VWC2: variants seen among roughly 807,000 people sequenced by gnomAD.
VWC2 encodes the protein von Willebrand factor C domain containing 2, also known as brorin.
In VWC2, 14 loss-of-function variants were observed where a neutral mutation model predicts 29.8. The ratio of observed to expected loss-of-function variants is 0.47; its 90% CI spans 0.31 to 0.74. VWC2 has a LOEUF of 0.74. Among genes scored for constraint, VWC2 ranks in the 30% least tolerant of loss-of-function variants. The pLI is 0.05. For synonymous variants in VWC2, 213 were observed against 199.0 expected (o/e 1.07, Z -0.59); for missense variants, 457 against 459.8 (o/e 0.99, Z 0.05).
intron 3 of VWC2, among the ~76,000 whole-genome samples, chr7:49,839,777 C>T (rs557608081): frequency 6.4e-4 from 97 of 152,284 alleles, no homozygotes; most frequent in Non-Finnish European, 1.3e-3. Context: ...ACTTCACAAA[C>T]GGGGCCTTTG....
At chr7:49,797,924 T>A (rs544427403) in intron 2 of VWC2, among the ~76,000 whole-genome samples, 1 of 152,344 alleles carries the variant, frequency 6.6e-6, no homozygotes, top group South Asian at 2.1e-4. Flanking sequence ...TGCCATAAGG[T>A]ATTCTATGTA....
At chr7:49,824,101 T>A (rs568077345) in intron 3 of VWC2, among the ~76,000 whole-genome samples, 1 of 152,318 alleles carries the variant, frequency 6.6e-6, no homozygotes, top group East Asian at 1.9e-4. Context: ...CAGAATTTTT[T>A]AATTTTGATA....
chr7:49,846,256 T>C (rs988340877), intron 3 of VWC2, among the ~76,000 whole-genome samples: 4 of 152,106 alleles, frequency 2.6e-5, no homozygotes, highest in African/African-American at 9.7e-5. Flanking sequence ...AACCTGCATG[T>C]CGCCACTTCC....
intron 3 of VWC2, among the ~76,000 whole-genome samples, chr7:49,853,983 C>T (rs945888341): frequency 9.9e-5 from 15 of 151,274 alleles, no homozygotes; most frequent in Non-Finnish European, 1.8e-4. Context: ...TCTGTCCCTG[C>T]GATAGTTTGC....
At chr7:49,911,579 C>T (rs1441295554) in intron 3 of VWC2, among the ~76,000 whole-genome samples, 1 of 151,662 alleles carries the variant, frequency 6.6e-6, no homozygotes, top group Non-Finnish European at 1.5e-5. Context: ...TTGCCACTGT[C>T]CTTCATAAAA....
chr7:49,821,551 G>A (rs994976790), intron 3 of VWC2, among the ~76,000 whole-genome samples: 1 of 151,784 alleles, frequency 6.6e-6, no homozygotes, highest in Non-Finnish European at 1.5e-5. Flanking sequence ...CAAGAAAAAA[G>A]CAGCAAAACA....
chr7:49,866,120 T>G (rs1328636222), intron 3 of VWC2, among the ~76,000 whole-genome samples: 2 of 152,188 alleles, frequency 1.3e-5, no homozygotes, highest in Non-Finnish European at 2.9e-5. Flanking sequence ...CCTGGCTCCT[T>G]CATATCGCCT....
chr7:49,896,635 C>T (rs2128732746), intron 3 of VWC2, among the ~76,000 whole-genome samples: 2 of 151,944 alleles, frequency 1.3e-5, no homozygotes, highest in South Asian at 4.2e-4. Flanking sequence ...AACAATTAAA[C>T]ACATAGCAAG....
Position 49,835,324 on chromosome 7 carries a change from C to T in VWC2, c.826+32484C>T, listed in dbSNP as rs1171244478. Among the ~76,000 whole-genome samples the T allele has an allele frequency of 7.2e-5, 11 of 152,308 alleles. No individual in the cohort carries two copies. The South Asian group carries it at 1.9e-3, about 26-fold the overall frequency. ...AATTAGTCCTGATAATTAAAGGGGG[C>T]TCACATTCCTCAGATGAAGTTTCTT... On this transcript the variant is annotated intron_variant, in intron 3 of 3. Coordinates refer to ENST00000340652, the MANE Select transcript of VWC2 (RefSeq NM_198570.5).
intron 2 of VWC2, among the ~76,000 whole-genome samples, chr7:49,779,510 T>C (rs1788128773): frequency 6.6e-6 from 1 of 152,156 alleles, no homozygotes; most frequent in African/African-American, 2.4e-5. Context: ...TCTCAAATGA[T>C]ACCAAGTGTC....
chr7:49,856,878 G>A (rs1284568973), intron 3 of VWC2, among the ~76,000 whole-genome samples: 7 of 151,716 alleles, frequency 4.6e-5, no homozygotes, highest in South Asian at 2.1e-4. Flanking sequence ...GCGTGGTGGC[G>A]GGCGCCTGTA....
At chr7:49,839,111 G>A (rs969036728) in intron 3 of VWC2, among the ~76,000 whole-genome samples, 2 of 152,134 alleles carry the variant, frequency 1.3e-5, no homozygotes, top group Admixed American at 1.3e-4. Context: ...CAGTGAGAAG[G>A]CAGCTGTCTG....
At chr7:49,854,769 TA>T (rs1401395258) in intron 3 of VWC2, among the ~76,000 whole-genome samples, 1 of 152,248 alleles carries the variant, frequency 6.6e-6, no homozygotes. Flanking sequence ...TTTGGTGTTT[TA>T]GACATGAAGT....
intron 2 of VWC2, among the ~76,000 whole-genome samples, chr7:49,784,696 A>C (rs892133721): frequency 2.6e-5 from 4 of 152,206 alleles, no homozygotes; most frequent in Admixed American, 6.5e-5. Flanking sequence ...TAGCAGGCTT[A>C]CCCTCTTATG....
chr7:49,867,010 C>T (rs1333059169), intron 3 of VWC2, among the ~76,000 whole-genome samples: 1 of 152,156 alleles, frequency 6.6e-6, no homozygotes, highest in Non-Finnish European at 1.5e-5. Flanking sequence ...AAACTACAGC[C>T]GGGATAATTC....
intron 2 of VWC2, among the ~76,000 whole-genome samples, chr7:49,790,138 TC>T (rs902927320): frequency 6.6e-6 from 1 of 152,346 alleles, no homozygotes; most frequent in South Asian, 2.1e-4. Flanking sequence ...CACTAGTTTT[TC>T]CCCCGCATAA....
chr7:49,843,837 A>G (rs1031588874), intron 3 of VWC2, among the ~76,000 whole-genome samples: 1 of 152,224 alleles, frequency 6.6e-6, no homozygotes, highest in African/African-American at 2.4e-5. Flanking sequence ...TAGAAAACGC[A>G]ATCTGTCAGT....
Position 49,884,979 on chromosome 7 carries a change from A to G in VWC2, c.827-27055A>G, listed in dbSNP as rs139206313. Among the ~76,000 whole-genome samples, 445 of 152,276 alleles carry G rather than the reference A, an allele frequency of 2.9e-3. 4 individuals are homozygous for G. The highest frequency in any genetic ancestry group is 0.01 in the African/African-American group (423 of 41,580). ...TCAAATAAAAAGATGAAAAGTATCAAATTTTTGAAATTAGGAAATAGGATA... is the reference window on the plus strand; with the variant it reads ...TCAAATAAAAAGATGAAAAGTATCAGATTTTTGAAATTAGGAAATAGGATA... On this transcript the variant is annotated intron_variant, in intron 3 of 3. Transcript: ENST00000340652.
chr7:49,875,287 CTG>C (rs1441038044), intron 3 of VWC2, among the ~76,000 whole-genome samples: 6 of 138,148 alleles, frequency 4.3e-5, no homozygotes, highest in African/African-American at 1.6e-4. Flanking sequence ...GGAGAATCGC[CTG>C]AACCCAGGAG....
Sources: allele counts gnomAD v4.1 joint callset (sites outside exome capture counted in the v4.1 genomes callset), GRCh38; gene constraint gnomAD v4.1.1; transcripts MANE v1.5; gene names NCBI Gene and HGNC (gene_info 2026-07-23, HGNC 2026-07-21).